ITFG1: variants seen among roughly 807,000 people sequenced by gnomAD.
ITFG1 encodes integrin alpha FG-GAP repeat containing 1.
A neutral mutation model predicts 81.8 loss-of-function variants in ITFG1; 34 were observed. The ratio of observed to expected loss-of-function variants is 0.42; its 90% confidence interval spans 0.32 to 0.55. The LOEUF (loss-of-function observed/expected upper bound fraction) is 0.55, where lower values mean the gene tolerates loss of function less well. ITFG1 is among the 20% of genes least tolerant of loss of function. The probability of loss-of-function intolerance (pLI) is 0.17; values close to 1 mark genes in which losing one functional copy is unlikely to be tolerated. For missense variants in ITFG1, 672 were observed against 755.4 expected, an observed-to-expected ratio of 0.89 and a Z score of 1.29; for synonymous variants, 285 against 270.6, an observed-to-expected ratio of 1.05 and a Z score of -0.52.
chr16:47,158,338 G>C (rs1199197726), intron 17 of ITFG1, among the ~76,000 whole-genome samples: 2 of 152,070 alleles, frequency 1.3e-5, no homozygotes, highest in Non-Finnish European at 2.9e-5. Flanking sequence ...CCAGCAATCT[G>C]TCCACCTTGG....
At chr16:47,429,013 C>T in intron 5 of ITFG1, 115 bp from the exon 6 acceptor site, 1 of 648,034 alleles carries the variant, frequency 1.5e-6, no homozygotes, top group Non-Finnish European at 2.6e-6. Context: ...TTGATATATT[C>T]AACATACAAT....
intron 8 of ITFG1, among the ~76,000 whole-genome samples, chr16:47,316,086 T>G (rs889136544): frequency 3.3e-5 from 5 of 152,184 alleles, no homozygotes; most frequent in African/African-American, 1.2e-4. Flanking sequence ...CCACTGCCTC[T>G]GGCCTTATTT....
chr16:47,451,597 AGTATTAAG>A, intron 4 of ITFG1, 127 bp from the exon 5 acceptor site: 1 of 593,292 alleles, frequency 1.7e-6, no homozygotes, highest in Non-Finnish European at 3.0e-6. Context: ...TCTAGTGATA[AGTATTAAG>A]TCAAATGTCA....
chr16:47,225,465 C>T (rs927851678), intron 13 of ITFG1, among the ~76,000 whole-genome samples: 16 of 152,160 alleles, frequency 1.1e-4, no homozygotes, highest in Admixed American at 2.0e-4. Flanking sequence ...GAGATCCACA[C>T]CAAGATACAT....
intron 7 of ITFG1, among the ~76,000 whole-genome samples, chr16:47,373,667 T>C (rs1369877114): frequency 1.3e-5 from 2 of 152,178 alleles, no homozygotes; most frequent in Non-Finnish European, 2.9e-5. Context: ...TAGCATAATG[T>C]ATATCTCATC....
At chr16:47,322,274 T>C (rs1262551164) in intron 8 of ITFG1, among the ~76,000 whole-genome samples, 2 of 152,206 alleles carry the variant, frequency 1.3e-5, no homozygotes, top group East Asian at 3.8e-4. Context: ...AAGTGTGACA[T>C]GGTACCAAGG....
At chr16:47,246,655 G>A (rs948859283) in intron 12 of ITFG1, among the ~76,000 whole-genome samples, 21 of 152,136 alleles carry the variant, frequency 1.4e-4, no homozygotes, top group Admixed American at 1.1e-3. Flanking sequence ...TGGGTTCTGG[G>A]CTCTGCTAGC....
At chr16:47,190,504 T>G (rs1401865365) in intron 14 of ITFG1, among the ~76,000 whole-genome samples, 1 of 152,250 alleles carries the variant, frequency 6.6e-6, no homozygotes, top group African/African-American at 2.4e-5. Context: ...TTCTTTCATG[T>G]GTACCTTCTT....
chr16:47,410,941 T>C (rs1256090761), intron 6 of ITFG1, among the ~76,000 whole-genome samples: 2 of 152,074 alleles, frequency 1.3e-5, no homozygotes, highest in Non-Finnish European at 2.9e-5. Flanking sequence ...GGTATGTTTG[T>C]TTGCCACCCC....
chr16:47,421,869 C>T lies in ITFG1; in HGVS notation c.655+6935G>A, dbSNP rs527810240. Among the ~76,000 whole-genome samples, 5 of 152,230 alleles carry T rather than the reference C, an allele frequency of 3.3e-5. No homozygotes were observed. In the South Asian group the frequency reaches 6.2e-4, roughly 19 times the overall value. On this transcript the variant is annotated intron_variant, in intron 6 of 17. Transcript: ENST00000320640. ...ACAGGGTCTGGTGTGTGATGTTCCC[C>T]GCCCCCTGTCCATGTGTTCTCATTG...
At chr16:47,272,256 A>G (rs925192845) in intron 10 of ITFG1, among the ~76,000 whole-genome samples, 2 of 152,192 alleles carry the variant, frequency 1.3e-5, no homozygotes, top group African/African-American at 2.4e-5. Context: ...AGAGACAGAA[A>G]GAAGATTAGT....
At chr16:47,450,698 A>C (rs1969377584) in intron 5 of ITFG1, among the ~76,000 whole-genome samples, 2 of 152,146 alleles carry the variant, frequency 1.3e-5, no homozygotes, top group Non-Finnish European at 2.9e-5. Flanking sequence ...TGTGTTCTGT[A>C]CTCTTGAACT....
At chr16:47,183,884 T>A (rs1391890604) in intron 14 of ITFG1, among the ~76,000 whole-genome samples, 1 of 152,024 alleles carries the variant, frequency 6.6e-6, no homozygotes, top group Non-Finnish European at 1.5e-5. Context: ...AGTTGAAAAC[T>A]TTGAAAAAAA....
At chr16:47,325,317 T>G (rs1967518240) in intron 8 of ITFG1, among the ~76,000 whole-genome samples, 1 of 151,666 alleles carries the variant, frequency 6.6e-6, no homozygotes, top group Non-Finnish European at 1.5e-5. Context: ...TGGGACACAT[T>G]CAAAGCAGTG....
chr16:47,341,939 A>T (rs1967789895), intron 8 of ITFG1, among the ~76,000 whole-genome samples: 1 of 152,182 alleles, frequency 6.6e-6, no homozygotes, highest in South Asian at 2.1e-4. Flanking sequence ...AAAATTTCCC[A>T]ACTAAGAAAA....
intron 8 of ITFG1, among the ~76,000 whole-genome samples, chr16:47,338,648 A>G (rs1159815846): frequency 5.3e-5 from 8 of 152,028 alleles, no homozygotes; most frequent in Admixed American, 5.2e-4. Context: ...ACCAGACAAA[A>G]ACTTTACTTT....
intron 14 of ITFG1, among the ~76,000 whole-genome samples, chr16:47,203,331 G>C (rs567469864): frequency 1.3e-5 from 2 of 152,314 alleles, no homozygotes; most frequent in East Asian, 3.9e-4. Context: ...TGGTTTTGTG[G>C]AAGACAATTT....
chr16:47,448,099 T>G (rs925176398), intron 5 of ITFG1: 15 of 152,188 alleles, frequency 9.9e-5, no homozygotes, highest in Admixed American at 8.5e-4. Flanking sequence ...AAAGCTGCCT[T>G]GAGTATTATT....
At chr16:47,264,628 C>T (rs757823233) in intron 10 of ITFG1, among the ~76,000 whole-genome samples, 4 of 149,752 alleles carry the variant, frequency 2.7e-5, no homozygotes, top group African/African-American at 4.9e-5. Context: ...GGAACTTGTA[C>T]GAGAAATTCC....
Sources: gnomAD v4.1 joint callset for allele counts (sites outside exome capture counted in the v4.1 genomes callset) on GRCh38, gnomAD v4.1.1 for gene constraint, MANE v1.5 for transcripts, NCBI Gene and HGNC (gene_info 2026-07-23, HGNC 2026-07-21) for gene names.